Variants in ARK2N observed in about 807,000 individuals in gnomAD.
ARK2N encodes the protein protein ARK2N.
At chr18:46,221,729 G>A in the ARK2N span, among the ~76,000 whole-genome samples, 1 of 151,964 alleles carries the variant, frequency 6.6e-6, no homozygotes. Context: ...ACCTTTTGGG[G>A]GTTTAATTGC....
chr18:46,264,252 C>CT, the ARK2N span: 1 of 152,620 alleles, frequency 6.6e-6, no homozygotes, highest in African/African-American at 2.4e-5. Context: ...GTAGCAGGAG[C>CT]TTCAGGGAAT....
the ARK2N span, among the ~76,000 whole-genome samples, chr18:46,175,269 C>T: frequency 6.6e-6 from 1 of 152,042 alleles, no homozygotes; most frequent in African/African-American, 2.4e-5. Context: ...CTTTCTGAAT[C>T]CTCTTACCCA....
At chr18:46,263,456 T>A in the ARK2N span, 1 of 198,620 alleles carries the variant, frequency 5.0e-6, no homozygotes, top group Admixed American at 5.2e-5. Context: ...AAAATGGGTT[T>A]CAGTTTTTGA....
chr18:46,258,271 T>G, the ARK2N span, among the ~76,000 whole-genome samples: 7 of 152,106 alleles, frequency 4.6e-5, no homozygotes, highest in Non-Finnish European at 1.0e-4. Flanking sequence ...TACAGATGAG[T>G]GTTTCCCTAC....
At chr18:46,253,695 A>G in the ARK2N span, 1 of 1,610,552 alleles carries the variant, frequency 6.2e-7, no homozygotes, top group Non-Finnish European at 8.5e-7. Flanking sequence ...CTTCTCTCTC[A>G]GGTCATTTGG....
chr18:46,202,165 A>G, the ARK2N span, among the ~76,000 whole-genome samples: 1 of 152,030 alleles, frequency 6.6e-6, no homozygotes, highest in Non-Finnish European at 1.5e-5. Flanking sequence ...GGACAACTCT[A>G]GTATTTCTAG....
chr18:46,200,072 G>A, the ARK2N span, among the ~76,000 whole-genome samples: 1 of 151,382 alleles, frequency 6.6e-6, no homozygotes, highest in African/African-American at 2.4e-5. Context: ...TTTATTGTGT[G>A]TGTGTGTGTG....
At chr18:46,249,318 C>A in the ARK2N span, among the ~76,000 whole-genome samples, 1 of 152,070 alleles carries the variant, frequency 6.6e-6, no homozygotes, top group Non-Finnish European at 1.5e-5. Flanking sequence ...CAAGCTCTGC[C>A]TCCCAGGTTC....
At chr18:46,200,085 TGTGTGTGCGC>T in the ARK2N span, among the ~76,000 whole-genome samples, 1 of 148,446 alleles carries the variant, frequency 6.7e-6, no homozygotes, top group African/African-American at 2.4e-5. Context: ...TGTGTGTGTG[TGTGTGTGCGC>T]GCGCGTGCTG....
chr18:46,179,625 C>CT, the ARK2N span, among the ~76,000 whole-genome samples: 3,217 of 136,828 alleles, frequency 0.024, 105 homozygotes, highest in African/African-American at 0.068. Context: ...TTAAAGTTAT[C>CT]TTTTTTTTTT....
the ARK2N span, among the ~76,000 whole-genome samples, chr18:46,238,876 A>G: frequency 6.6e-6 from 1 of 152,194 alleles, no homozygotes; most frequent in Admixed American, 6.5e-5. Context: ...GCATTCCTTC[A>G]TAGTCAAGAG....
At chr18:46,218,114 G>A in the ARK2N span, 1 of 152,008 alleles carries the variant, frequency 6.6e-6, no homozygotes, top group Non-Finnish European at 1.5e-5. Context: ...GAAGAAGGTG[G>A]GTAAACAAAA....
At chr18:46,247,217 A>C in the ARK2N span, among the ~76,000 whole-genome samples, 1 of 152,154 alleles carries the variant, frequency 6.6e-6, no homozygotes, top group African/African-American at 2.4e-5. Context: ...CAAAAGTAGC[A>C]TAGTAACTTT....
the ARK2N span, among the ~76,000 whole-genome samples, chr18:46,235,614 T>C: frequency 6.6e-6 from 1 of 152,246 alleles, no homozygotes; most frequent in Non-Finnish European, 1.5e-5. Context: ...CTTTAACTTG[T>C]GTCTGCTGCC....
the ARK2N span, among the ~76,000 whole-genome samples, chr18:46,199,585 C>A: frequency 6.6e-6 from 1 of 151,674 alleles, no homozygotes; most frequent in South Asian, 2.1e-4. Flanking sequence ...CCTCAGCCTC[C>A]CAAAATGCTG....
the ARK2N span, among the ~76,000 whole-genome samples, chr18:46,246,233 TG>T: frequency 4.8e-5 from 7 of 146,752 alleles, no homozygotes; most frequent in South Asian, 1.5e-3. Context: ...AAGTCCTCCA[TG>T]GGGGGTGAGG....
At chr18:46,220,733 T>A in the ARK2N span, among the ~76,000 whole-genome samples, 1 of 152,222 alleles carries the variant, frequency 6.6e-6, no homozygotes, top group Non-Finnish European at 1.5e-5. Flanking sequence ...ATAACTTCCC[T>A]AATGGTCCTT....
the ARK2N span, among the ~76,000 whole-genome samples, chr18:46,226,934 A>G: frequency 1.3e-5 from 2 of 151,738 alleles, no homozygotes; most frequent in South Asian, 4.2e-4. Context: ...CAGCCTCCCA[A>G]GTAGCTGGGA....
chr18:46,190,172 G>A, the ARK2N span, among the ~76,000 whole-genome samples: 1 of 152,104 alleles, frequency 6.6e-6, no homozygotes, highest in Non-Finnish European at 1.5e-5. Context: ...GAATTTTTTA[G>A]AGATAGTTGT....
Sources: gnomAD v4.1 joint callset for allele counts (sites outside exome capture counted in the v4.1 genomes callset) on GRCh38, gnomAD v4.1.1 for gene constraint, MANE v1.5 for transcripts, NCBI Gene and HGNC (gene_info 2026-07-23, HGNC 2026-07-21) for gene names.